Variants in MAPK10 observed in about 807,000 individuals in gnomAD.
MAPK10 encodes mitogen-activated protein kinase 10, also known as JNK3 alpha protein kinase.
In MAPK10, 25 loss-of-function variants were observed where a neutral mutation model predicts 59.3. That is an observed-to-expected ratio of 0.42 (90% CI 0.31 to 0.59). MAPK10 has a LOEUF of 0.59. Among genes scored for constraint, MAPK10 ranks in the 20% least tolerant of loss-of-function variants. The pLI, the probability that MAPK10 is intolerant of heterozygous loss-of-function variation, is 0.15. For synonymous variants in MAPK10, 190 were observed against 200.5 expected, an observed-to-expected ratio of 0.95 and a Z score of 0.44; for missense variants, 351 against 568.9, an observed-to-expected ratio of 0.62 and a Z score of 3.90.
intron 2 of MAPK10, among the ~76,000 whole-genome samples, chr4:86,207,012 T>C (rs569953766): frequency 7.9e-5 from 12 of 152,130 alleles, no homozygotes; most frequent in South Asian, 4.1e-4. Context: ...TTCACTCTGA[T>C]AGTAGTTTCT....
intron 1 of MAPK10, among the ~76,000 whole-genome samples, chr4:86,507,214 C>T (rs780076265): frequency 3.3e-5 from 5 of 150,892 alleles, no homozygotes; most frequent in Admixed American, 6.6e-5. Context: ...AGAGGCAAGC[C>T]CCAGAACAAT....
chr4:86,137,096 A>C (rs1412614040), intron 4 of MAPK10, among the ~76,000 whole-genome samples: 1 of 150,654 alleles, frequency 6.6e-6, no homozygotes, highest in Admixed American at 6.6e-5. Context: ...GGAGACTTTA[A>C]CACCCCACTG....
intron 11 of MAPK10, among the ~76,000 whole-genome samples, chr4:86,036,341 A>C (rs2040290909): frequency 6.6e-6 from 1 of 152,258 alleles, no homozygotes; most frequent in East Asian, 1.9e-4. Context: ...CACCAATATA[A>C]TTAAAAGGAA....
At chr4:86,505,526 G>A (rs561988385) in intron 1 of MAPK10, among the ~76,000 whole-genome samples, 2 of 152,172 alleles carry the variant, frequency 1.3e-5, no homozygotes, top group East Asian at 3.9e-4. Context: ...GTTCAAGGCT[G>A]TAATGAGCTA....
intron 1 of MAPK10, among the ~76,000 whole-genome samples, chr4:86,591,034 A>T (rs1196108602): frequency 6.6e-6 from 1 of 152,160 alleles, no homozygotes; most frequent in African/African-American, 2.4e-5. Flanking sequence ...ACTACAAATT[A>T]TATCATTTTT....
chr4:86,213,623 C>A (rs918101758), intron 2 of MAPK10, among the ~76,000 whole-genome samples: 2 of 151,972 alleles, frequency 1.3e-5, no homozygotes, highest in African/African-American at 2.4e-5. Context: ...ATGAAATGGA[C>A]AAATTCCTAG....
At chr4:86,565,059 G>A (rs1015097647) in intron 1 of MAPK10, among the ~76,000 whole-genome samples, 1 of 152,146 alleles carries the variant, frequency 6.6e-6, no homozygotes, top group Non-Finnish European at 1.5e-5. Context: ...GCAGCTGGGT[G>A]CAAATGTGGC....
At chr4:86,557,430 T>A (rs1370224983) in intron 1 of MAPK10, among the ~76,000 whole-genome samples, 14 of 152,184 alleles carry the variant, frequency 9.2e-5, no homozygotes, top group Admixed American at 9.2e-4. Flanking sequence ...ACTAGTGTAT[T>A]TTTTTAAAAT....
intron 2 of MAPK10, among the ~76,000 whole-genome samples, chr4:86,223,377 C>T (rs184121856): frequency 3.3e-5 from 5 of 152,310 alleles, no homozygotes; most frequent in Non-Finnish European, 7.3e-5. Flanking sequence ...TGCGTATGGA[C>T]TCTGTGATGA....
intron 4 of MAPK10, among the ~76,000 whole-genome samples, chr4:86,132,594 C>T (rs2061210682): frequency 6.6e-6 from 1 of 152,182 alleles, no homozygotes; most frequent in Admixed American, 6.5e-5. Context: ...AACCGGGCCA[C>T]ACAGTAGGAG....
At chr4:86,060,657 A>G (rs1212741520) in intron 11 of MAPK10, among the ~76,000 whole-genome samples, 2 of 152,132 alleles carry the variant, frequency 1.3e-5, no homozygotes, top group African/African-American at 4.8e-5. Context: ...TATTAAACTG[A>G]GTTCCCCCCA....
intron 2 of MAPK10, among the ~76,000 whole-genome samples, chr4:86,314,309 TAC>T (rs2095732835): frequency 9.2e-5 from 14 of 152,182 alleles, no homozygotes; most frequent in African/African-American, 3.4e-4. Flanking sequence ...TCTTGAATTA[TAC>T]ACCCATAATT....
At chr4:86,346,918 C>T (rs1463089746) in intron 2 of MAPK10, among the ~76,000 whole-genome samples, 1 of 151,762 alleles carries the variant, frequency 6.6e-6, no homozygotes, top group Non-Finnish European at 1.5e-5. Context: ...ACACATATGT[C>T]TTAATATAAA....
chr4:86,353,612 T>C (rs1229054587), intron 2 of MAPK10, among the ~76,000 whole-genome samples: 1 of 152,210 alleles, frequency 6.6e-6, no homozygotes, highest in South Asian at 2.1e-4. Flanking sequence ...TTTTATGAAT[T>C]GTTTTATAAA....
chr4:86,033,792 A>C (rs2039605350), intron 11 of MAPK10, among the ~76,000 whole-genome samples: 1 of 152,210 alleles, frequency 6.6e-6, no homozygotes, highest in Non-Finnish European at 1.5e-5. Context: ...AGGAAATGCG[A>C]ATGTCACCTC....
At chr4:86,054,333 C>T (rs1480919709) in intron 11 of MAPK10, among the ~76,000 whole-genome samples, 1 of 152,144 alleles carries the variant, frequency 6.6e-6, no homozygotes, top group Non-Finnish European at 1.5e-5. Flanking sequence ...CTACAACAAA[C>T]ATTTTGACAA....
chr4:86,056,164 C>T (rs2044511576), intron 11 of MAPK10, among the ~76,000 whole-genome samples: 1 of 149,986 alleles, frequency 6.7e-6, no homozygotes, highest in Admixed American at 6.6e-5. Flanking sequence ...GCATTTATAA[C>T]TCACTTAAAT....
intron 2 of MAPK10, among the ~76,000 whole-genome samples, chr4:86,246,484 T>A (rs914954324): frequency 6.6e-6 from 1 of 152,164 alleles, no homozygotes; most frequent in Admixed American, 6.5e-5. Flanking sequence ...AAACAAAAAC[T>A]TATATAATGA....
At chr4:86,323,057 C>A (rs1454927306) in intron 2 of MAPK10, among the ~76,000 whole-genome samples, 1 of 152,144 alleles carries the variant, frequency 6.6e-6, no homozygotes, top group Non-Finnish European at 1.5e-5. Flanking sequence ...CGCCTATAGT[C>A]CCAGCTACTC....
Sources: gnomAD v4.1 joint callset for allele counts (sites outside exome capture counted in the v4.1 genomes callset) on GRCh38, gnomAD v4.1.1 for gene constraint, MANE v1.5 for transcripts, NCBI Gene and HGNC (gene_info 2026-07-23, HGNC 2026-07-21) for gene names.